The following GLI2 variants were observed in gnomAD, a reference collection of about 807,000 sequenced individuals.
GLI2 encodes the protein GLI family zinc finger 2.
Under a neutral mutation model 78.9 loss-of-function variants are expected in GLI2, and 22 were observed. That is an observed-to-expected ratio of 0.28 (90% CI 0.20 to 0.40). The LOEUF (loss-of-function observed/expected upper bound fraction) is 0.40. GLI2 is among the 10% of genes least tolerant of loss of function. The pLI, the probability that GLI2 is intolerant of heterozygous loss-of-function variation, is 1.00. For synonymous variants in GLI2, 974 were observed against 963.7 expected, an observed-to-expected ratio of 1.01 and a Z score of -0.20; for missense variants, 2,097 against 2,213.2, an observed-to-expected ratio of 0.95 and a Z score of 1.05.
chr2:120,923,613 AACAC>A (rs1308037697), intron 2 of GLI2, among the ~76,000 whole-genome samples: 2 of 152,076 alleles, frequency 1.3e-5, no homozygotes, highest in African/African-American at 4.8e-5. Context: ...CACATACAGC[AACAC>A]ACACACCACA....
intron 2 of GLI2, among the ~76,000 whole-genome samples, chr2:120,801,339 A>G (rs1684699958): frequency 6.6e-6 from 1 of 152,068 alleles, no homozygotes; most frequent in South Asian, 2.1e-4. Context: ...GGGTTTCACC[A>G]TGTTAGCCAG....
chr2:120,806,741 C>T (rs1194267196), intron 2 of GLI2, among the ~76,000 whole-genome samples: 4 of 152,188 alleles, frequency 2.6e-5, no homozygotes, highest in Non-Finnish European at 4.4e-5. Flanking sequence ...GTCCCGGAGG[C>T]TCCACTGAAG....
At chr2:120,814,335 G>A (rs1245992324) in intron 2 of GLI2, among the ~76,000 whole-genome samples, 1 of 152,218 alleles carries the variant, frequency 6.6e-6, no homozygotes, top group Non-Finnish European at 1.5e-5. Flanking sequence ...GGGGGCTTAG[G>A]AAGCCTTTTC....
chr2:120,914,912 G>A (rs1679017993), intron 2 of GLI2, among the ~76,000 whole-genome samples: 3 of 152,238 alleles, frequency 2.0e-5, no homozygotes, highest in African/African-American at 7.2e-5. Context: ...TGTCCAACAG[G>A]ACACTATGCC....
chr2:120,775,356 G>A (rs2121992), intron 1 of GLI2, among the ~76,000 whole-genome samples: 49,744 of 152,136 alleles, frequency 0.33, 9,697 homozygotes, highest in African/African-American at 0.55. Flanking sequence ...CGTGACGCGT[G>A]TGTTATTTAT....
At chr2:120,908,697 C>T (rs1358011594) in intron 2 of GLI2, among the ~76,000 whole-genome samples, 1 of 152,224 alleles carries the variant, frequency 6.6e-6, no homozygotes, top group African/African-American at 2.4e-5. Flanking sequence ...ATAGCATGTG[C>T]TCTGAAGCTG....
rs145100881 is a variant in GLI2, at chr2:120,850,749, G to A, written c.148+53281G>A. Among the ~76,000 whole-genome samples the A allele has an allele frequency of 2.3e-3, 347 of 152,288 alleles. 2 individuals carry two copies. Among genetic ancestry groups the A allele is most frequent in the African/African-American group, 7.8e-3 (324 of 41,572 alleles). On this transcript the variant is annotated intron_variant, in intron 2 of 13. Coordinates refer to ENST00000361492, the MANE Select transcript of GLI2 (RefSeq NM_001374353.1). ...GCAGCCCTGGTGCCTTTGGAGGATC[G>A]GGAGCTGCTGTCATCACTGTGCGAG... is the stretch of plus-strand genomic sequence containing the variant.
intron 2 of GLI2, among the ~76,000 whole-genome samples, chr2:120,909,216 C>G (rs547331092): frequency 6.6e-6 from 1 of 152,260 alleles, no homozygotes; most frequent in African/African-American, 2.4e-5. Context: ...CTGGTTGGGT[C>G]CCACAGAGAG....
chr2:120,897,968 T>G (rs1024899146), intron 2 of GLI2, among the ~76,000 whole-genome samples: 1 of 152,128 alleles, frequency 6.6e-6, no homozygotes, highest in Non-Finnish European at 1.5e-5. Context: ...GCAAGTCTTA[T>G]CTTGATGCTG....
intron 3 of GLI2, among the ~76,000 whole-genome samples, chr2:120,940,458 T>A (rs988247956): frequency 6.6e-6 from 1 of 152,168 alleles, no homozygotes; most frequent in Non-Finnish European, 1.5e-5. Context: ...CTCCATTCCA[T>A]TCTCTTATAA....
intron 1 of GLI2, among the ~76,000 whole-genome samples, chr2:120,741,485 G>T (rs889378253): frequency 7.3e-6 from 1 of 137,586 alleles, no homozygotes; most frequent in Admixed American, 8.0e-5. Context: ...CTCCCTCTCC[G>T]TTCTCTCTCC....
At chr2:120,747,579 T>C (rs1307027723) in intron 1 of GLI2, among the ~76,000 whole-genome samples, 1 of 152,200 alleles carries the variant, frequency 6.6e-6, no homozygotes, top group South Asian at 2.1e-4. Flanking sequence ...TTTTTGGTTG[T>C]CACAACAAGG....
At chr2:120,890,918 G>A (rs144379076) in intron 2 of GLI2, among the ~76,000 whole-genome samples, 2 of 152,324 alleles carry the variant, frequency 1.3e-5, no homozygotes, top group Non-Finnish European at 2.9e-5. Flanking sequence ...GTGTCCTCCA[G>A]TTCTCCTTCA....
At chr2:120,922,693 G>A (rs190528627) in intron 2 of GLI2, among the ~76,000 whole-genome samples, 1 of 152,268 alleles carries the variant, frequency 6.6e-6, no homozygotes, top group Non-Finnish European at 1.5e-5. Context: ...TTGCCACTCT[G>A]CCCTGGCCAA....
At chr2:120,747,043 G>C (rs1302043302) in intron 1 of GLI2, among the ~76,000 whole-genome samples, 1 of 152,076 alleles carries the variant, frequency 6.6e-6, no homozygotes, top group African/African-American at 2.4e-5. Flanking sequence ...TGTTATTATA[G>C]ATAATACTGG....
At chr2:120,966,452 C>T (rs1681861235) in intron 5 of GLI2, among the ~76,000 whole-genome samples, 2 of 152,214 alleles carry the variant, frequency 1.3e-5, no homozygotes, top group African/African-American at 2.4e-5. Flanking sequence ...CCCTTCATCC[C>T]AGGCTGCTGG....
intron 5 of GLI2, among the ~76,000 whole-genome samples, chr2:120,960,065 A>G (rs1051248415): frequency 2.6e-5 from 4 of 152,192 alleles, no homozygotes; most frequent in African/African-American, 9.7e-5. Context: ...TCTCATGCAC[A>G]CACGCTGGTT....
chr2:120,824,059 C>T (rs1685913093), intron 2 of GLI2, among the ~76,000 whole-genome samples: 2 of 152,156 alleles, frequency 1.3e-5, no homozygotes, highest in Non-Finnish European at 2.9e-5. Flanking sequence ...TTTTCTGATT[C>T]GTCTGCTCTG....
Position 120,986,560 on chromosome 2 carries a change from G to T in GLI2, c.2188G>T (p.Ala730Ser). The change falls in exon 13 of 14, where the codon GCC (alanine) becomes TCC (serine). Residue 730 changes from alanine (A) to serine (S), a missense_variant. Physicochemically the swap from Ala to Ser is moderately conservative, Grantham distance 99 (BLOSUM62 1). Transcript: ENST00000361492. ...LKSLKDSCSW[A>S]GPTPHTRNTK... Reference sequence around the variant, plus strand: ...GTCACTCAAGGATTCCTGCTCATGGGCCGGGCCGACTCCACACACGCGGAA... The same window carrying T: ...GTCACTCAAGGATTCCTGCTCATGGTCCGGGCCGACTCCACACACGCGGAA... 6.2e-7 allele frequency: 1 copy of T among 1,614,148 alleles called. No individual in the cohort carries two copies. The highest frequency in any genetic ancestry group is 1.3e-5 in the African/African-American group (1 of 75,054).
Sources: gnomAD v4.1 joint callset for allele counts (sites outside exome capture counted in the v4.1 genomes callset) on GRCh38, gnomAD v4.1.1 for gene constraint, MANE v1.5 for transcripts, NCBI Gene and HGNC (gene_info 2026-07-23, HGNC 2026-07-21) for gene names.